The following TRHDE variants were observed in gnomAD, a reference collection of about 807,000 sequenced individuals.
TRHDE encodes the protein thyrotropin releasing hormone degrading enzyme.
TRHDE carries 72 observed loss-of-function variants against 125.7 expected under a neutral mutation model. That is an observed-to-expected ratio of 0.57 (90% CI 0.47 to 0.70). The LOEUF is 0.70. Among genes scored for constraint, TRHDE ranks in the 30% least tolerant of loss-of-function variants. The probability of loss-of-function intolerance (pLI) is 0.00; values close to 1 mark genes in which losing one functional copy is unlikely to be tolerated. For missense variants in TRHDE, 1,110 were observed against 1,327.1 expected, an observed-to-expected ratio of 0.84 and a Z score of 2.54; for synonymous variants, 509 against 509.1, an observed-to-expected ratio of 1.00 and a Z score of 0.00.
At chr12:72,224,141 T>TC (rs1393315551) in intron 2 of TRHDE, among the ~76,000 whole-genome samples, 57 of 35,220 alleles carry the variant, frequency 1.6e-3, no homozygotes, top group African/African-American at 4.5e-3. Context: ...TATCTATCTA[T>TC]TTATCTATGT....
Position 72,581,274 on chromosome 12 carries a change from C to T in TRHDE, c.2321+5732C>T, listed in dbSNP as rs546764221. Among the ~76,000 whole-genome samples, 314 of 152,220 alleles carry T rather than the reference C, an allele frequency of 2.1e-3. 3 individuals carry two copies. The highest frequency in any genetic ancestry group is 7.0e-3 in the African/African-American group (291 of 41,530). On this transcript the variant is annotated intron_variant, in intron 12 of 18. Coordinates refer to ENST00000261180, the MANE Select transcript of TRHDE (RefSeq NM_013381.3). ...GATTTGCAATAGAAAATATAATCAA[C>T]GGGTTGGGTATTTAAAGCTTTTAAC...
chr12:72,540,401 T>C (rs1462593142), intron 6 of TRHDE, among the ~76,000 whole-genome samples: 2 of 151,796 alleles, frequency 1.3e-5, no homozygotes, highest in African/African-American at 4.8e-5. Context: ...GGAAAATTGG[T>C]ACATTCTTTA....
chr12:72,521,816 T>C (rs760934485), intron 6 of TRHDE, among the ~76,000 whole-genome samples: 1 of 152,206 alleles, frequency 6.6e-6, no homozygotes, highest in Non-Finnish European at 1.5e-5. Context: ...TGCTACTAAA[T>C]TGGAGCCGTT....
chr12:72,345,472 ATAGT>A (rs1870286517), intron 2 of TRHDE, among the ~76,000 whole-genome samples: 1 of 152,158 alleles, frequency 6.6e-6, no homozygotes, highest in Non-Finnish European at 1.5e-5. Flanking sequence ...TAATAGTAAA[ATAGT>A]TAGAAACTGA....
At chr12:72,356,170 G>T (rs550412990) in intron 2 of TRHDE, among the ~76,000 whole-genome samples, 2 of 151,762 alleles carry the variant, frequency 1.3e-5, no homozygotes, top group South Asian at 2.1e-4. Context: ...TGGATAGAGA[G>T]AATGTAGTAC....
chr12:72,520,686 T>G (rs1244404592), intron 6 of TRHDE, among the ~76,000 whole-genome samples: 3 of 152,310 alleles, frequency 2.0e-5, no homozygotes, highest in African/African-American at 7.2e-5. Flanking sequence ...CCTTTGTTTC[T>G]TTACCAAATT....
In TRHDE at chr12:72,663,308, G is replaced by T. The variant is rs73146999; in HGVS notation, c.*113G>T. The T allele has an allele frequency of 1.2e-6, 1 of 812,640 alleles. No homozygotes were observed. Among genetic ancestry groups the T allele is most frequent in the African/African-American group, 1.8e-5 (1 of 55,756 alleles). 50.3% of individuals were successfully genotyped at this position (812,640 alleles called of 1,614,324 possible). A position where few individuals can be genotyped will look rare whatever the true frequency, so the allele number is the denominator to read the frequency against. On this transcript the variant is annotated 3_prime_UTR_variant, in exon 19 of 19. Coordinates refer to ENST00000261180, the MANE Select transcript of TRHDE (RefSeq NM_013381.3). ...AAATGGCCAGATTTTCAGTGTTAAC[G>T]TGTGGGAGGAATTTTTTTTTTAGTT...
At chr12:72,122,487 G>C (rs191944428) in intron 2 of TRHDE, among the ~76,000 whole-genome samples, 136 of 152,238 alleles carry the variant, frequency 8.9e-4, no homozygotes, top group African/African-American at 3.2e-3. Context: ...CATTTTTAAA[G>C]AAATGTTTCC....
chr12:72,253,141 C>T (rs1290649986), intron 2 of TRHDE, among the ~76,000 whole-genome samples: 13 of 151,866 alleles, frequency 8.6e-5, no homozygotes. Context: ...TTTCCAAGAA[C>T]CTATTGATGA....
chr12:72,309,826 A>G (rs1757690842), intron 2 of TRHDE: 1 of 152,260 alleles, frequency 6.6e-6, no homozygotes, highest in Admixed American at 6.6e-5. Context: ...AGAATGGTTG[A>G]TACTATGCTA....
chr12:72,438,062 A>G (rs899086840), intron 3 of TRHDE, among the ~76,000 whole-genome samples: 1 of 151,838 alleles, frequency 6.6e-6, no homozygotes, highest in Non-Finnish European at 1.5e-5. Flanking sequence ...ATTTCACTTA[A>G]CATAATGTCC....
At chr12:72,503,332 C>T (rs1158382873) in intron 6 of TRHDE, among the ~76,000 whole-genome samples, 1 of 152,096 alleles carries the variant, frequency 6.6e-6, no homozygotes, top group African/African-American at 2.4e-5. Flanking sequence ...GGTTCCAGAG[C>T]CAGTATTCTT....
chr12:72,323,427 G>A (rs1869189162), intron 2 of TRHDE, among the ~76,000 whole-genome samples: 1 of 152,086 alleles, frequency 6.6e-6, no homozygotes, highest in South Asian at 2.1e-4. Context: ...AGTTGTTTAA[G>A]TTCTAAGAAA....
chr12:72,576,661 A>T (rs1256968043), intron 12 of TRHDE, among the ~76,000 whole-genome samples: 1 of 152,036 alleles, frequency 6.6e-6, no homozygotes, highest in Non-Finnish European at 1.5e-5. Context: ...TTTTCTATTT[A>T]AAAAAATACT....
chr12:72,603,638 C>T (rs994585675), intron 12 of TRHDE, among the ~76,000 whole-genome samples: 2 of 151,850 alleles, frequency 1.3e-5, no homozygotes, highest in African/African-American at 2.4e-5. Context: ...GGCAGGAGAA[C>T]GGCGAGAAAC....
chr12:72,253,752 AT>A (rs1878742096), intron 2 of TRHDE: 1 of 152,176 alleles, frequency 6.6e-6, no homozygotes, highest in Admixed American at 6.5e-5. Flanking sequence ...TTACAAATGA[AT>A]ATTGGATTTT....
chr12:72,270,897 C>T (rs1476933542), upstream of TRHDE, among the ~76,000 whole-genome samples: 5 of 152,236 alleles, frequency 3.3e-5, no homozygotes. Flanking sequence ...TATTTTGATG[C>T]TGCCTGCTGT....
At chr12:72,224,405 G>C (rs1386611694) in intron 2 of TRHDE, among the ~76,000 whole-genome samples, 2 of 152,004 alleles carry the variant, frequency 1.3e-5, no homozygotes, top group African/African-American at 2.4e-5. Flanking sequence ...ATATGGGAAG[G>C]CCAGCCAGTC....
chr12:72,546,595 T>C lies in TRHDE; in HGVS notation c.1788+4239T>C, dbSNP rs1233033099. Reference sequence around the variant, plus strand: ...TCTAATCAAGGCAGGCAAACAATTGTAGATAACCATCTCTGAGGGTCTACA... The same window carrying C: ...TCTAATCAAGGCAGGCAAACAATTGCAGATAACCATCTCTGAGGGTCTACA... On this transcript the variant is annotated intron_variant, in intron 7 of 18. Transcript: ENST00000261180. Among the ~76,000 whole-genome samples, 10 of 151,604 alleles carry C rather than the reference T, an allele frequency of 6.6e-5. No homozygotes were observed. In the Admixed American group the frequency reaches 6.6e-4, roughly 10 times the overall value.
Sources: gnomAD v4.1 joint callset for allele counts (sites outside exome capture counted in the v4.1 genomes callset) on GRCh38, gnomAD v4.1.1 for gene constraint, MANE v1.5 for transcripts, NCBI Gene and HGNC (gene_info 2026-07-23, HGNC 2026-07-21) for gene names.